KREMEN1: variants seen among roughly 807,000 people sequenced by gnomAD.
The protein encoded by KREMEN1 is kringle containing transmembrane protein 1, also known as kremen protein 1.
A neutral mutation model predicts 46.5 loss-of-function variants in KREMEN1; 30 were observed. The ratio of observed to expected loss-of-function variants is 0.65; its 90% CI spans 0.48 to 0.88. The LOEUF (loss-of-function observed/expected upper bound fraction) is 0.88. KREMEN1 is among the 40% of genes least tolerant of loss of function. KREMEN1 has a pLI of 0.00. For missense variants in KREMEN1, 533 were observed against 596.9 expected, an observed-to-expected ratio of 0.89 and a Z score of 1.11; for synonymous variants, 214 against 230.6, an observed-to-expected ratio of 0.93 and a Z score of 0.65.
chr22:29,123,231 G>C (rs1415976559), intron 4 of KREMEN1, among the ~76,000 whole-genome samples: 1 of 151,694 alleles, frequency 6.6e-6, no homozygotes, highest in African/African-American at 2.4e-5. Flanking sequence ...AAAATGTAAA[G>C]ATCTTGCTCT....
At chr22:29,086,689 G>A (rs1171585527) in intron 1 of KREMEN1, among the ~76,000 whole-genome samples, 4 of 152,170 alleles carry the variant, frequency 2.6e-5, no homozygotes, top group Admixed American at 2.0e-4. Flanking sequence ...GCACCAGTCC[G>A]TATTTGAAAC....
At chr22:29,112,726 A>G (rs2038171805) in intron 3 of KREMEN1, among the ~76,000 whole-genome samples, 1 of 152,238 alleles carries the variant, frequency 6.6e-6, no homozygotes, top group African/African-American at 2.4e-5. Context: ...GGTAAGAGGA[A>G]AAATGCATGA....
At chr22:29,085,720 A>C (rs2037718260) in intron 1 of KREMEN1, among the ~76,000 whole-genome samples, 1 of 152,166 alleles carries the variant, frequency 6.6e-6, no homozygotes, top group Non-Finnish European at 1.5e-5. Context: ...CTTGCCTGTA[A>C]TCCTAGCACT....
At position 29,097,283 on chromosome 22, in the gene KREMEN1, C is replaced by T. The variant is rs180894029; in HGVS notation, c.261-1579C>T. 1.9e-3 allele frequency among the ~76,000 whole-genome samples: 286 copies of T among 152,344 alleles called. 1 individual carries two copies. The highest frequency in any genetic ancestry group is 6.5e-3 in the African/African-American group (270 of 41,584). On this transcript the variant is annotated intron_variant, in intron 2 of 8. Transcript: ENST00000400335. Reference sequence around the variant, plus strand: ...CGAGCCTTTTCTGTGTGTCCAGTAGCCCCTGCCATTTTATTTATCTGCTTC... The same window carrying T: ...CGAGCCTTTTCTGTGTGTCCAGTAGTCCCTGCCATTTTATTTATCTGCTTC...
At chr22:29,099,479 TCAGCC>T (rs2037939057) in intron 3 of KREMEN1, 1 of 152,104 alleles carries the variant, frequency 6.6e-6, no homozygotes, top group Non-Finnish European at 1.5e-5. Context: ...CCCAATTTCT[TCAGCC>T]TTTTACTAAA....
Position 29,098,892 on chromosome 22 carries a change from C to T in KREMEN1, c.291C>T (p.Cys97=), listed in dbSNP as rs767084048. The part of the protein sequence containing the change: ...RNPDGDVSPW[C]YVAEHEDGVY... ...CAGATGGAGACGTGAGCCCCTGGTGCTATGTGGCAGAGCACGAGGATGGTG... is the reference window on the plus strand; with the variant it reads ...CAGATGGAGACGTGAGCCCCTGGTGTTATGTGGCAGAGCACGAGGATGGTG... Residue 97 remains cysteine, a synonymous_variant, in exon 3 of 9, where the codon TGC becomes TGT. Transcript: ENST00000400335. 2.5e-6 allele frequency: 4 copies of T among 1,614,082 alleles called. No individual in the cohort carries two copies. In the Admixed American group the frequency reaches 6.7e-5, roughly 27 times the overall value.
intron 5 of KREMEN1, among the ~76,000 whole-genome samples, chr22:29,133,826 T>C (rs2038611051): frequency 6.6e-6 from 1 of 152,238 alleles, no homozygotes; most frequent in Non-Finnish European, 1.5e-5. Context: ...CTTTTGGCAC[T>C]GCAATTACAC....
chr22:29,118,766 C>T (rs1044356562), intron 3 of KREMEN1, among the ~76,000 whole-genome samples: 5 of 152,088 alleles, frequency 3.3e-5, no homozygotes, highest in African/African-American at 1.2e-4. Flanking sequence ...GGGAAAAAAC[C>T]TTTTCCCATA....
intron 5 of KREMEN1, among the ~76,000 whole-genome samples, chr22:29,130,126 G>T (rs2038510535): frequency 1.3e-5 from 2 of 152,218 alleles, no homozygotes; most frequent in Non-Finnish European, 2.9e-5. Context: ...TACATGCGTT[G>T]TCTCCCTTAA....
chr22:29,096,227 T>A (rs2037880729), intron 2 of KREMEN1, among the ~76,000 whole-genome samples: 1 of 152,180 alleles, frequency 6.6e-6, no homozygotes, highest in Admixed American at 6.5e-5. Context: ...AGACAAGTAT[T>A]TGGTTTTTGT....
intron 6 of KREMEN1, 84 bp from the exon 7 acceptor site, chr22:29,138,540 T>C: frequency 7.3e-7 from 1 of 1,363,780 alleles, no homozygotes; most frequent in Non-Finnish European, 1.0e-6. Context: ...GAAGAACTCT[T>C]CTTCATAACT....
At chr22:29,116,045 G>C (rs1323466579) in intron 3 of KREMEN1, among the ~76,000 whole-genome samples, 1 of 152,128 alleles carries the variant, frequency 6.6e-6, no homozygotes, top group Non-Finnish European at 1.5e-5. Context: ...TTGGGGAAGG[G>C]CTCCATTTAC....
At chr22:29,114,081 C>T (rs187489337) in intron 3 of KREMEN1, among the ~76,000 whole-genome samples, 1 of 152,200 alleles carries the variant, frequency 6.6e-6, no homozygotes. Flanking sequence ...TGTTGAAGCC[C>T]TAACCCTGCA....
intron 3 of KREMEN1, among the ~76,000 whole-genome samples, chr22:29,101,578 C>T (rs1033947138): frequency 1.9e-4 from 29 of 152,312 alleles, no homozygotes; most frequent in Admixed American, 1.1e-3. Flanking sequence ...AAGCTTCATT[C>T]GTGGCAAGTG....
Position 29,145,748 on chromosome 22 carries a change from G to T in KREMEN1, c.*3636G>T, listed in dbSNP as rs1375713427. The T allele has an allele frequency of 4.1e-6, 4 of 985,434 alleles. No homozygotes were observed. The highest frequency in any genetic ancestry group is 3.6e-6 in the Non-Finnish European group (3 of 829,998). The allele number at this position is 985,434 out of a possible 1,614,324, so 61.0% of individuals were successfully genotyped here. A position where few individuals can be genotyped will look rare whatever the true frequency, so the allele number is the denominator to read the frequency against. On this transcript the variant is annotated 3_prime_UTR_variant, in exon 9 of 9. Coordinates refer to ENST00000400335, the MANE Select transcript of KREMEN1 (RefSeq NM_001039570.3). ...GGACAGGCTTGAGGCCTCTCTGGGC[G>T]TGAGCGAGGAAACCAGGCTGCTCTA...
At chr22:29,085,118 TG>T (rs1204245705) in intron 1 of KREMEN1, among the ~76,000 whole-genome samples, 2 of 152,230 alleles carry the variant, frequency 1.3e-5, no homozygotes, top group East Asian at 3.8e-4. Context: ...GCTAACTTTA[TG>T]GCCGAATTTG....
chr22:29,138,918 T>C, intron 7 of KREMEN1, 136 bp downstream of exon 7: 1 of 1,268,772 alleles, frequency 7.9e-7, no homozygotes, highest in Non-Finnish European at 1.1e-6. Context: ...CTGTGACCTA[T>C]AGTCTGTCCT....
chr22:29,139,755 G>A (rs1452721758), intron 7 of KREMEN1, among the ~76,000 whole-genome samples: 1 of 152,176 alleles, frequency 6.6e-6, no homozygotes, highest in Non-Finnish European at 1.5e-5. Flanking sequence ...TGGTAGAACT[G>A]GAAAGTATCC....
Position 29,118,641 on chromosome 22 carries a change from G to A in KREMEN1, c.353-2716G>A, listed in dbSNP as rs1181154691. ...ATATAAGGGCAGTGATTCCATCATGGGGGCTCAGCCATCATAATCTCATCT... is the reference window on the plus strand; with the variant it reads ...ATATAAGGGCAGTGATTCCATCATGAGGGCTCAGCCATCATAATCTCATCT... On this transcript the variant is annotated intron_variant, in intron 3 of 8. Coordinates refer to ENST00000400335, the MANE Select transcript of KREMEN1 (RefSeq NM_001039570.3). Among the ~76,000 whole-genome samples the A allele has an allele frequency of 2.6e-5, 4 of 152,114 alleles. No individual in the cohort carries two copies. In the East Asian group the frequency reaches 7.7e-4, roughly 29 times the overall value.
Sources: gnomAD v4.1 joint callset for allele counts (sites outside exome capture counted in the v4.1 genomes callset) on GRCh38, gnomAD v4.1.1 for gene constraint, MANE v1.5 for transcripts, NCBI Gene and HGNC (gene_info 2026-07-23, HGNC 2026-07-21) for gene names.